Variants in IFI44L observed in about 807,000 individuals in gnomAD.
The protein encoded by IFI44L is interferon-induced protein 44-like.
Under a neutral mutation model 39.3 loss-of-function variants are expected in IFI44L, and 40 were observed. That is an observed-to-expected ratio of 1.02 (90% CI 0.79 to 1.33). The LOEUF is 1.33. IFI44L is among the 40% of genes most tolerant of loss of function. The pLI, the probability that IFI44L is intolerant of heterozygous loss-of-function variation, is 0.00. For synonymous variants in IFI44L, 198 were observed against 182.3 expected, an observed-to-expected ratio of 1.09 and a Z score of -0.69; for missense variants, 623 against 549.0, an observed-to-expected ratio of 1.13 and a Z score of -1.35.
chr1:78,635,489 G>T lies in IFI44L; in HGVS notation c.876G>T (p.Gln292His), dbSNP rs1652913982. 2 of 1,608,036 alleles carry T rather than the reference G, an allele frequency of 1.2e-6. No individual in the cohort carries two copies. The highest frequency in any genetic ancestry group is 1.3e-5 in the African/African-American group (1 of 74,720). Residue 292 changes from glutamine to histidine, a missense_variant and splice_region_variant, in exon 5 of 9, where the codon CAG (glutamine) becomes CAT (histidine). Transcript: ENST00000370751. ...AAGGTTGTATGCCAGACAGATATCA[G>T]GTAAGATTTCTTCAATATCCAAAAC... ...ILKGCMPDRY[Q>H]FNSRKPITPE...
chr1:78,628,052 G>A lies in IFI44L; in HGVS notation c.137G>A (p.Arg46His), dbSNP rs149202070. ...GAAGATATGGTTGAAAGATGCAGCC[G>A]TCAGGGATGTACTATAACAATGGCT... The part of the protein sequence containing the change: ...SIEDMVERCS[R>H]QGCTITMAYI... Residue 46 changes from arginine to histidine, a missense_variant, in exon 2 of 9, where the codon CGT becomes CAT. Coordinates refer to ENST00000370751, the MANE Select transcript of IFI44L (RefSeq NM_006820.4). The A allele has an allele frequency of 1.5e-4, 236 of 1,613,062 alleles. No homozygotes were observed. In the African/African-American group the frequency reaches 1.8e-3, roughly 13 times the overall value.
At chr1:78,638,706 T>G (rs1653041953) in intron 6 of IFI44L, among the ~76,000 whole-genome samples, 1 of 152,066 alleles carries the variant, frequency 6.6e-6, no homozygotes, top group African/African-American at 2.4e-5. Context: ...ACATCCCACT[T>G]CCTTCATTTG....
chr1:78,629,042 AC>A, intron 3 of IFI44L, 43 bp downstream of exon 3: 1 of 1,215,078 alleles, frequency 8.2e-7, no homozygotes, highest in Non-Finnish European at 1.2e-6. Flanking sequence ...TTTTATTTAG[AC>A]CAATTGTATA....
At position 78,628,060 on chromosome 1, in the gene IFI44L, T is replaced by G. The variant is rs1652563880; in HGVS notation, c.145T>G (p.Cys49Gly). The change falls in exon 2 of 9, where the codon TGT becomes GGT. Residue 49 changes from cysteine (C) to glycine (G), a missense_variant. Transcript: ENST00000370751. ...GGTTGAAAGATGCAGCCGTCAGGGATGTACTATAACAATGGCTTACATTGA... is the reference window on the plus strand; with the variant it reads ...GGTTGAAAGATGCAGCCGTCAGGGAGGTACTATAACAATGGCTTACATTGA... ...DMVERCSRQG[C>G]TITMAYIDYN... 3 of 1,613,322 alleles carry G rather than the reference T, an allele frequency of 1.9e-6. No homozygotes were observed. The highest frequency in any genetic ancestry group is 2.5e-6 in the Non-Finnish European group (3 of 1,179,530).
Position 78,636,903 on chromosome 1 carries a change from T to C in IFI44L, c.877-129T>C. ...AGGAAGTAAAGAGGAGGTGCTACTG[T>C]TTGGGGAAAGAGTAGCTGAGGAGAA... is the stretch of plus-strand genomic sequence containing the variant. On this transcript the variant is annotated intron_variant, in intron 5 of 8. Transcript: ENST00000370751. 3 of 659,222 alleles carry C rather than the reference T, an allele frequency of 4.6e-6. No individual in the cohort carries two copies. The South Asian group carries it at 5.8e-5, about 13-fold the overall frequency. 40.8% of individuals were successfully genotyped at this position (659,222 alleles called of 1,614,324 possible).
chr1:78,622,992 ATG>A (rs1247429136), intron 1 of IFI44L, among the ~76,000 whole-genome samples: 3 of 152,216 alleles, frequency 2.0e-5, no homozygotes, highest in Non-Finnish European at 4.4e-5. Flanking sequence ...GAGACTATAA[ATG>A]TGTGTTGTTT....
At chr1:78,635,275 T>G in intron 4 of IFI44L, 62 bp from the exon 5 acceptor site, 1 of 1,304,566 alleles carries the variant, frequency 7.7e-7, no homozygotes. Context: ...TTTCTTCTTA[T>G]TGTCATGTCT....
At chr1:78,629,069 T>C in intron 3 of IFI44L, 70 bp downstream of exon 3, 1 of 940,532 alleles carries the variant, frequency 1.1e-6, no homozygotes, top group Non-Finnish European at 1.7e-6. Flanking sequence ...TGCTGACAAA[T>C]ATGTGGTAAA....
At chr1:78,636,776 T>A in intron 5 of IFI44L, 1 of 378,804 alleles carries the variant, frequency 2.6e-6, no homozygotes, top group Non-Finnish European at 4.7e-6. Flanking sequence ...TTATTTAAAC[T>A]TTCCTGCAAT....
intron 1 of IFI44L, among the ~76,000 whole-genome samples, chr1:78,623,352 T>C (rs940169493): frequency 2.0e-5 from 3 of 151,558 alleles, no homozygotes; most frequent in South Asian, 2.1e-4. Flanking sequence ...ATGTATTTAC[T>C]ATGTTGAGGT....
chr1:78,632,760 T>C (rs1652800447), intron 4 of IFI44L, among the ~76,000 whole-genome samples: 1 of 152,152 alleles, frequency 6.6e-6, no homozygotes, highest in African/African-American at 2.4e-5. Flanking sequence ...TATCAAGAGA[T>C]TGAATTGGAG....
intron 1 of IFI44L, among the ~76,000 whole-genome samples, chr1:78,623,597 C>T (rs564961386): frequency 2.0e-5 from 3 of 151,704 alleles, no homozygotes; most frequent in South Asian, 2.1e-4. Flanking sequence ...TGTTGGAGGG[C>T]GAGAAGTCTC....
At chr1:78,623,396 G>GTTTTTTTTTTTTTTTTTTT (rs71078508) in intron 1 of IFI44L, among the ~76,000 whole-genome samples, 1 of 121,326 alleles carries the variant, frequency 8.2e-6, no homozygotes, top group Non-Finnish European at 1.6e-5. Context: ...AGTGTTTTTT[G>GTTTTTTTTTTTTTTTTTTT]TTTTTTTTTT....
intron 6 of IFI44L, 44 bp downstream of exon 6, chr1:78,637,247 T>G (rs762767469): frequency 7.8e-6 from 11 of 1,413,936 alleles, no homozygotes; most frequent in Non-Finnish European, 1.1e-5. Context: ...TTGAAATAAT[T>G]ATAGATTTGT....
rs147701229 is a variant in IFI44L at position 78,629,880 on chromosome 1, G to A, written c.688G>A (p.Val230Ile). ...IFHGHVTGQA[V>I]VGSDITSITE... ...TCATGGCCATGTGACTGGCCAAGCC[G>A]TAGTGGGGTCTGATATCACCAGCAT... The change falls in exon 4 of 9, where the codon GTA becomes ATA. Residue 230 changes from valine to isoleucine, a missense_variant. By Grantham distance (29) the Val-to-Ile change is conservative (BLOSUM62 3). Coordinates refer to ENST00000370751, the MANE Select transcript of IFI44L (RefSeq NM_006820.4). 872 of 1,613,696 alleles carry A rather than the reference G, an allele frequency of 5.4e-4. 5 individuals are homozygous for A. Among genetic ancestry groups the A allele is most frequent in the South Asian group, 4.4e-3 (402 of 91,078 alleles).
rs919639076 is a variant in IFI44L, at chr1:78,630,949, T to C, written c.723+1034T>C. Among the ~76,000 whole-genome samples, 3 of 152,154 alleles carry C rather than the reference T, an allele frequency of 2.0e-5. No individual in the cohort carries two copies. The East Asian group carries it at 5.8e-4, about 29-fold the overall frequency. ...TCAGACATAGAGACCTAAATACAAA[T>C]AATGCTTGGTCCCATTACCCAGATA... On this transcript the variant is annotated intron_variant, in intron 4 of 8. Coordinates refer to ENST00000370751, the MANE Select transcript of IFI44L (RefSeq NM_006820.4).
chr1:78,646,028 T>C lies in IFI44L; in HGVS notation c.*4219T>C, dbSNP rs553980598. 7.9e-5 allele frequency: 12 copies of C among 152,306 alleles called. No individual in the cohort carries two copies. The highest frequency in any genetic ancestry group is 2.9e-4 in the African/African-American group (12 of 41,562). 9.4% of individuals were successfully genotyped at this position (152,306 alleles called of 1,614,324 possible). ...GAGGTGGGGGGGTTGAATAACAAGC[T>C]GTGCTAAATAATTACGTGTAAATAT... On this transcript the variant is annotated 3_prime_UTR_variant, in exon 9 of 9. Transcript: ENST00000370751.
chr1:78,629,837 T>C lies in IFI44L; in HGVS notation c.645T>C (p.Asn215=). Residue 215 remains asparagine (N), a synonymous_variant, in exon 4 of 9, where the codon AAT becomes AAC. Transcript: ENST00000370751. Reference sequence around the variant, plus strand: ...GGTCTGGAAAGTCCAGTTTTTTCAATTCAGTCAAGTCTATTTTTCATGGCC... The same window carrying C: ...GGTCTGGAAAGTCCAGTTTTTTCAACTCAGTCAAGTCTATTTTTCATGGCC... ...PVGSGKSSFF[N]SVKSIFHGHV... 6.2e-7 allele frequency: 1 copy of C among 1,613,876 alleles called. No homozygotes were observed. The highest frequency in any genetic ancestry group is 1.1e-5 in the South Asian group (1 of 91,088).
chr1:78,626,813 A>G (rs1570352373), intron 1 of IFI44L: 1 of 152,046 alleles, frequency 6.6e-6, no homozygotes, highest in African/African-American at 2.4e-5. Flanking sequence ...TCTAATATGT[A>G]GTTTTTTTTA....
Sources: gnomAD v4.1 joint callset for allele counts (sites outside exome capture counted in the v4.1 genomes callset) on GRCh38, gnomAD v4.1.1 for gene constraint, MANE v1.5 for transcripts, NCBI Gene and HGNC (gene_info 2026-07-23, HGNC 2026-07-21) for gene names.